The following HOMER1 variants were observed in gnomAD, a reference collection of about 807,000 sequenced individuals.
The protein encoded by HOMER1 is homer protein homolog 1.
In HOMER1, 3 loss-of-function variants were observed where a neutral mutation model predicts 48.9. The observed-to-expected ratio is 0.06, with a 90% CI of 0.03 to 0.16. HOMER1 has a LOEUF of 0.16. Among genes scored for constraint, HOMER1 ranks in the 10% least tolerant of loss-of-function variants. HOMER1 has a pLI of 1.00. For synonymous variants in HOMER1, 134 were observed against 146.4 expected, an observed-to-expected ratio of 0.92 and a Z score of 0.61; for missense variants, 247 against 411.4, an observed-to-expected ratio of 0.60 and a Z score of 3.46.
rs191826090 is a variant in HOMER1, at chr5:79,504,951, C to T, written c.5+7819G>A. The stretch of plus-strand genomic sequence containing the variant: ...GTATAATACCCAAAGAGATATGTAT[C>T]AGAGCTATGTCTCTCAGTAGACTTC... On this transcript the variant is annotated intron_variant, in intron 1 of 8. Coordinates refer to ENST00000334082, the MANE Select transcript of HOMER1 (RefSeq NM_004272.5). 1.6e-3 allele frequency among the ~76,000 whole-genome samples: 237 copies of T among 152,238 alleles called. 1 individual carries two copies. The highest frequency in any genetic ancestry group is 2.8e-3 in the Non-Finnish European group (188 of 68,014).
At chr5:79,505,163 G>A (rs1752712906) in intron 1 of HOMER1, among the ~76,000 whole-genome samples, 1 of 152,134 alleles carries the variant, frequency 6.6e-6, no homozygotes, top group African/African-American at 2.4e-5. Flanking sequence ...GGAGGCTGAG[G>A]CAGGAGAATC....
At chr5:79,397,368 A>C (rs1749415635) in intron 7 of HOMER1, among the ~76,000 whole-genome samples, 159 bp downstream of exon 7, 1 of 152,184 alleles carries the variant, frequency 6.6e-6, no homozygotes, top group East Asian at 1.9e-4. Flanking sequence ...GGATAGAGAA[A>C]ATATGAGCAA....
intron 1 of HOMER1, among the ~76,000 whole-genome samples, chr5:79,477,208 T>C (rs954066005): frequency 1.3e-5 from 2 of 152,242 alleles, no homozygotes; most frequent in Non-Finnish European, 2.9e-5. Flanking sequence ...GCCTCACCTG[T>C]AATTTTTCGT....
intron 1 of HOMER1, chr5:79,510,576 A>C: frequency 1.3e-6 from 1 of 797,246 alleles, no homozygotes; most frequent in Non-Finnish European, 2.2e-6. Context: ...TTTGCCAAGA[A>C]ACACAACAAG....
chr5:79,436,344 C>T (rs1192535190), intron 5 of HOMER1, among the ~76,000 whole-genome samples: 1 of 152,148 alleles, frequency 6.6e-6, no homozygotes, highest in Non-Finnish European at 1.5e-5. Context: ...CAGTTACTAA[C>T]TTCCTGACAC....
At chr5:79,430,633 G>C (rs1750395527) in intron 5 of HOMER1, among the ~76,000 whole-genome samples, 1 of 152,216 alleles carries the variant, frequency 6.6e-6, no homozygotes, top group South Asian at 2.1e-4. Flanking sequence ...TCTATCAACT[G>C]ATGGATGGAT....
chr5:79,446,501 C>CT (rs1444802863), intron 4 of HOMER1, among the ~76,000 whole-genome samples: 1 of 152,162 alleles, frequency 6.6e-6, no homozygotes, highest in Non-Finnish European at 1.5e-5. Flanking sequence ...TCTTTATGTA[C>CT]TTTTGCTAAG....
chr5:79,421,463 A>G (rs1750096973), intron 5 of HOMER1, among the ~76,000 whole-genome samples: 1 of 152,232 alleles, frequency 6.6e-6, no homozygotes, highest in Non-Finnish European at 1.5e-5. Context: ...AATATAACAT[A>G]TAAGGAAAGT....
chr5:79,432,850 A>G (rs927602202), intron 5 of HOMER1, among the ~76,000 whole-genome samples: 7 of 152,096 alleles, frequency 4.6e-5, no homozygotes, highest in African/African-American at 7.2e-5. Context: ...TAGTAAAAAA[A>G]TTCTGACATC....
At chr5:79,380,953 T>C (rs1293684778) in intron 8 of HOMER1, among the ~76,000 whole-genome samples, 1 of 152,050 alleles carries the variant, frequency 6.6e-6, no homozygotes, top group Non-Finnish European at 1.5e-5. Context: ...ACTGCCATCG[T>C]CCATACTACA....
At chr5:79,491,211 C>T (rs921007446) in intron 1 of HOMER1, among the ~76,000 whole-genome samples, 1 of 148,768 alleles carries the variant, frequency 6.7e-6, no homozygotes, top group African/African-American at 2.5e-5. Flanking sequence ...GTGGATGGAT[C>T]ACTTGAGTTC....
rs1354931978 is a variant in HOMER1, at chr5:79,416,663, C to G, written c.528-14608G>C. Among the ~76,000 whole-genome samples, 4 of 152,194 alleles carry G rather than the reference C, an allele frequency of 2.6e-5. No individual in the cohort carries two copies. In the East Asian group the frequency reaches 7.7e-4, roughly 29 times the overall value. ...CACTGCTTGCCTGGCACAGTGCCTT[C>G]TGTAGTCTTTGCCACATGCCCTAAT... is the stretch of plus-strand genomic sequence containing the variant. On this transcript the variant is annotated intron_variant, in intron 5 of 8. Transcript: ENST00000334082.
intron 1 of HOMER1, among the ~76,000 whole-genome samples, chr5:79,501,352 T>A (rs111497160): frequency 0.024 from 3,644 of 152,320 alleles, 57 homozygotes; most frequent in South Asian, 0.078. Flanking sequence ...ATACAAAATA[T>A]GTGTTAATCA....
intron 1 of HOMER1, among the ~76,000 whole-genome samples, chr5:79,489,333 C>T (rs147238902): frequency 1.1e-4 from 16 of 152,218 alleles, no homozygotes; most frequent in African/African-American, 3.4e-4. Flanking sequence ...GAAGAATACA[C>T]GGCCAAGCAA....
intron 5 of HOMER1, among the ~76,000 whole-genome samples, chr5:79,438,173 G>T (rs901500291): frequency 1.3e-5 from 2 of 151,974 alleles, no homozygotes; most frequent in Non-Finnish European, 2.9e-5. Context: ...TTTTAAAATT[G>T]GTCCCCAAAA....
At chr5:79,468,372 G>C (rs1751532780) in intron 1 of HOMER1, among the ~76,000 whole-genome samples, 1 of 152,006 alleles carries the variant, frequency 6.6e-6, no homozygotes. Flanking sequence ...TGCTCTAAAT[G>C]CAAAATACAT....
intron 8 of HOMER1, among the ~76,000 whole-genome samples, chr5:79,391,128 T>C (rs1443147813): frequency 2.4e-5 from 3 of 122,806 alleles, no homozygotes; most frequent in Non-Finnish European, 4.7e-5. Flanking sequence ...CAAAATTTTG[T>C]GGGTTTTTTT....
chr5:79,507,541 T>A lies in HOMER1; in HGVS notation c.5+5229A>T, dbSNP rs75860900. On this transcript the variant is annotated intron_variant, in intron 1 of 8. Coordinates refer to ENST00000334082, the MANE Select transcript of HOMER1 (RefSeq NM_004272.5). The stretch of plus-strand genomic sequence containing the variant: ...CGAGATACGACCTGAGATATAAATC[T>A]ATGTAAAATGTTTTATAGTCATTTA... 3.2e-3 allele frequency among the ~76,000 whole-genome samples: 489 copies of A among 152,282 alleles called. 18 individuals are homozygous for A. In the East Asian group the frequency reaches 0.065, roughly 20 times the overall value.
chr5:79,485,602 G>A (rs1040394811), intron 1 of HOMER1, among the ~76,000 whole-genome samples: 1 of 152,152 alleles, frequency 6.6e-6, no homozygotes, highest in Non-Finnish European at 1.5e-5. Context: ...TAGGTACTTA[G>A]TACATGACAG....
Sources: allele counts gnomAD v4.1 joint callset (sites outside exome capture counted in the v4.1 genomes callset), GRCh38; gene constraint gnomAD v4.1.1; transcripts MANE v1.5; gene names NCBI Gene and HGNC (gene_info 2026-07-23, HGNC 2026-07-21).